PRSS48: variants seen among roughly 807,000 people sequenced by gnomAD.
PRSS48 encodes serine protease 48, also known as epidermis-specific serine protease-like protein.
Under a neutral mutation model 25.6 loss-of-function variants are expected in PRSS48, and 21 were observed. The observed-to-expected ratio is 0.82, with a 90% CI of 0.58 to 1.18. The LOEUF (loss-of-function observed/expected upper bound fraction) is 1.18. Ranked by LOEUF, PRSS48 falls within the 50% of genes most tolerant of loss-of-function variation. The pLI, the probability that PRSS48 is intolerant of heterozygous loss-of-function variation, is 0.00. For synonymous variants in PRSS48, 150 were observed against 149.3 expected (o/e 1.00, Z -0.04); for missense variants, 373 against 399.3 (o/e 0.93, Z 0.56).
intron 4 of PRSS48, among the ~76,000 whole-genome samples, chr4:151,289,757 CAAGA>C (rs1775145583): frequency 6.6e-6 from 1 of 152,002 alleles, no homozygotes; most frequent in Non-Finnish European, 1.5e-5. Context: ...GGTATATGAC[CAAGA>C]AAGATAAAAA....
intron 4 of PRSS48, among the ~76,000 whole-genome samples, chr4:151,285,536 T>C (rs1479808503): frequency 9.2e-5 from 14 of 152,180 alleles, no homozygotes; most frequent in Admixed American, 9.2e-4. Flanking sequence ...AGAAACAACA[T>C]ATCAAATCTT....
chr4:151,288,297 TA>T (rs1347720107), intron 4 of PRSS48, among the ~76,000 whole-genome samples: 1 of 151,980 alleles, frequency 6.6e-6, no homozygotes, highest in African/African-American at 2.4e-5. Flanking sequence ...AAGAGACAAA[TA>T]AAAAGACATC....
chr4:151,285,223 C>T (rs115341244), intron 4 of PRSS48, among the ~76,000 whole-genome samples: 20 of 152,192 alleles, frequency 1.3e-4, no homozygotes, highest in African/African-American at 4.6e-4. Context: ...AACTGTTACC[C>T]GAAGCAGAGT....
In PRSS48 at chr4:151,290,246, T is replaced by C. The variant is rs767179736; in HGVS notation, c.652-872T>C. On this transcript the variant is annotated intron_variant, in intron 4 of 4. Coordinates refer to ENST00000455694, the Ensembl canonical transcript of PRSS48. ...AGACACGAACCATCATGCTGGGCCA[T>C]AGAAGCATTATTTATAATATAATAG... 5.3e-5 allele frequency among the ~76,000 whole-genome samples: 8 copies of C among 152,292 alleles called. No individual in the cohort carries two copies. The East Asian group carries it at 7.7e-4, about 15-fold the overall frequency.
intron 4 of PRSS48, among the ~76,000 whole-genome samples, chr4:151,285,598 T>G (rs1774671388): frequency 1.3e-5 from 2 of 152,194 alleles, no homozygotes; most frequent in South Asian, 4.2e-4. Flanking sequence ...TGTAAATGCC[T>G]ACGTTAAACA....
chr4:151,288,545 G>A (rs1323978867), intron 4 of PRSS48, among the ~76,000 whole-genome samples: 6 of 152,110 alleles, frequency 3.9e-5, no homozygotes, highest in South Asian at 2.1e-4. Flanking sequence ...TCAGGAGTTC[G>A]AGACCAGCCT....
At chr4:151,289,794 C>T (rs1162122890) in intron 4 of PRSS48, among the ~76,000 whole-genome samples, 5 of 152,124 alleles carry the variant, frequency 3.3e-5, no homozygotes, top group African/African-American at 4.8e-5. Flanking sequence ...AAAACTTGCA[C>T]GTGAGCTGGG....
intron 1 of PRSS48, among the ~76,000 whole-genome samples, chr4:151,277,627 T>C (rs2150003669): frequency 6.6e-6 from 1 of 152,050 alleles, no homozygotes; most frequent in East Asian, 1.9e-4. Context: ...ATAACTAAAT[T>C]AAGTAAGAGG....
chr4:151,290,203 T>C (rs796311502), intron 4 of PRSS48, among the ~76,000 whole-genome samples: 1 of 152,268 alleles, frequency 6.6e-6, no homozygotes, highest in South Asian at 2.1e-4. Flanking sequence ...CCTTGGCCTC[T>C]CAAGGCACTA....
chr4:151,285,702 A>C (rs780507136), intron 4 of PRSS48, among the ~76,000 whole-genome samples: 5 of 152,056 alleles, frequency 3.3e-5, no homozygotes, highest in Admixed American at 6.6e-5. Context: ...CCTTGTCTCT[A>C]CTAAAAATTT....
chr4:151,282,336 T>G, exon 3 of PRSS48: 1 of 1,613,940 alleles, frequency 6.2e-7, no homozygotes, highest in Non-Finnish European at 8.5e-7. Context: ...CCTATTTGCT[T>G]GCCCAGTGTC....
intron 4 of PRSS48, among the ~76,000 whole-genome samples, chr4:151,286,903 C>G (rs1375962804): frequency 6.6e-6 from 1 of 151,542 alleles, no homozygotes; most frequent in East Asian, 1.9e-4. Context: ...TCACTTGAAT[C>G]TGGGAGGTAG....
chr4:151,282,517 A>C, intron 3 of PRSS48, 104 bp downstream of exon 3: 1 of 1,127,906 alleles, frequency 8.9e-7, no homozygotes. Flanking sequence ...TTTTTCAACA[A>C]AACCAGATCA....
chr4:151,289,422 T>C (rs1379144449), intron 4 of PRSS48, among the ~76,000 whole-genome samples: 1 of 152,108 alleles, frequency 6.6e-6, no homozygotes, highest in Admixed American at 6.5e-5. Flanking sequence ...ATGGACACCA[T>C]CAACAAAGTA....
chr4:151,278,295 G>A lies in PRSS48; in HGVS notation c.52+1071G>A, dbSNP rs191879511. Among the ~76,000 whole-genome samples the A allele has an allele frequency of 2.6e-5, 4 of 151,768 alleles. No individual in the cohort carries two copies. In the East Asian group the frequency reaches 7.8e-4, roughly 30 times the overall value. ...GAGCATTTTTTTTTTAAGAGACAGAGTCTCACTCTGTCACCCAGGTTAGAG... is the reference window on the plus strand; with the variant it reads ...GAGCATTTTTTTTTTAAGAGACAGAATCTCACTCTGTCACCCAGGTTAGAG... On this transcript the variant is annotated intron_variant, in intron 1 of 4. Coordinates refer to ENST00000455694, the Ensembl canonical transcript of PRSS48.
At chr4:151,284,927 C>A (rs1198529731) in intron 4 of PRSS48, among the ~76,000 whole-genome samples, 4 of 152,142 alleles carry the variant, frequency 2.6e-5, no homozygotes, top group African/African-American at 9.7e-5. Flanking sequence ...GAACTTGGGA[C>A]TCTCGCTCTG....
chr4:151,286,184 G>GAA (rs56850648), intron 4 of PRSS48, among the ~76,000 whole-genome samples: 5,767 of 86,414 alleles, frequency 0.067, 393 homozygotes, highest in African/African-American at 0.1. Flanking sequence ...CTGTCTTAAA[G>GAA]AAAAAAAAAA....
At chr4:151,285,420 A>G (rs1774650562) in intron 4 of PRSS48, among the ~76,000 whole-genome samples, 1 of 152,218 alleles carries the variant, frequency 6.6e-6, no homozygotes, top group South Asian at 2.1e-4. Flanking sequence ...TCTAATCACA[A>G]TGGAATGAAA....
chr4:151,277,222 C>A lies in PRSS48; in HGVS notation c.50C>A (p.Ser17Ter). The change falls in exon 1 of 5, where the codon TCA becomes TAA. Residue 17 changes from serine to a stop codon, truncating the protein, a stop_gained and splice_region_variant. Coordinates refer to ENST00000455694, the Ensembl canonical transcript of PRSS48. LOFTEE classifies it high-confidence loss of function. ...ACGCTGCTCCTTCTGCTGGGGATCT[C>A]AGGTGAGCGCCAGGGTGGGGTTGAG... 1 of 1,501,588 alleles carries A rather than the reference C, an allele frequency of 6.7e-7. No individual in the cohort carries two copies. Among genetic ancestry groups the A allele is most frequent in the South Asian group, 1.3e-5 (1 of 74,868 alleles). The allele number at this position is 1,501,588 out of a possible 1,614,324, so 93.0% of individuals were successfully genotyped here.
Sources: allele counts gnomAD v4.1 joint callset (sites outside exome capture counted in the v4.1 genomes callset), GRCh38; gene constraint gnomAD v4.1.1; transcripts MANE v1.5; gene names NCBI Gene and HGNC (gene_info 2026-07-23, HGNC 2026-07-21).